SEMA3A: variants seen among roughly 807,000 people sequenced by gnomAD.
The protein encoded by SEMA3A is semaphorin-3A.
In SEMA3A, 29 loss-of-function variants were observed where a neutral mutation model predicts 97.9. That is an observed-to-expected ratio of 0.30 (90% CI 0.22 to 0.40). The LOEUF is 0.40. SEMA3A is among the 10% of genes least tolerant of loss of function. The pLI is 1.00. For synonymous variants in SEMA3A, 321 were observed against 323.7 expected (o/e 0.99, Z 0.09); for missense variants, 763 against 951.3 (o/e 0.80, Z 2.60).
At chr7:84,007,572 T>C in intron 9 of SEMA3A, 75 bp from the exon 10 acceptor site, 1 of 1,110,216 alleles carries the variant, frequency 9.0e-7, no homozygotes. Context: ...TACTGAGTTC[T>C]TACATTTTAG....
At chr7:84,466,719 T>C (rs1449680192) in intron 1 of SEMA3A, among the ~76,000 whole-genome samples, 2 of 152,168 alleles carry the variant, frequency 1.3e-5, no homozygotes, top group Non-Finnish European at 2.9e-5. Context: ...GAAGATTAGA[T>C]TGTACCCTGG....
chr7:84,301,809 A>G (rs1044296783), intron 3 of SEMA3A, among the ~76,000 whole-genome samples: 1 of 152,174 alleles, frequency 6.6e-6, no homozygotes, highest in Admixed American at 6.5e-5. Flanking sequence ...ATGCGGAATG[A>G]CAGGAACTCT....
chr7:84,397,491 C>A (rs1803768790), intron 1 of SEMA3A, among the ~76,000 whole-genome samples: 1 of 147,488 alleles, frequency 6.8e-6, no homozygotes, highest in Admixed American at 6.8e-5. Flanking sequence ...AACATGTATA[C>A]AATACATGTT....
At chr7:84,024,238 T>C (rs1230963300) in intron 6 of SEMA3A, among the ~76,000 whole-genome samples, 2 of 151,756 alleles carry the variant, frequency 1.3e-5, no homozygotes, top group African/African-American at 4.8e-5. Flanking sequence ...CTAGATTTGT[T>C]ACTTCAAAAA....
At chr7:84,021,963 CA>C (rs1791345587) in intron 6 of SEMA3A, among the ~76,000 whole-genome samples, 1 of 152,030 alleles carries the variant, frequency 6.6e-6, no homozygotes, top group African/African-American at 2.4e-5. Context: ...GGCAGGTTTT[CA>C]AAATGCTTTT....
intron 1 of SEMA3A, among the ~76,000 whole-genome samples, chr7:84,469,980 T>A (rs2116407373): frequency 6.6e-6 from 1 of 151,870 alleles, no homozygotes; most frequent in African/African-American, 2.4e-5. Context: ...ATTTTTTAAT[T>A]GTTAATGAAA....
intron 3 of SEMA3A, among the ~76,000 whole-genome samples, chr7:84,215,130 G>A (rs746472825): frequency 6.6e-5 from 10 of 151,468 alleles, no homozygotes; most frequent in Non-Finnish European, 1.0e-4. Flanking sequence ...CTCAGACTCC[G>A]AAAGTGTTGG....
intron 1 of SEMA3A, among the ~76,000 whole-genome samples, chr7:84,488,839 T>C (rs1326941223): frequency 2.0e-5 from 3 of 152,156 alleles, no homozygotes; most frequent in African/African-American, 7.2e-5. Flanking sequence ...TTCCAACAAA[T>C]TCATTTTGGA....
In SEMA3A at chr7:84,471,273, G is replaced by T. The variant is rs183401129; in HGVS notation, c.-246+21187C>A. On this transcript the variant is annotated intron_variant, in intron 1 of 3. Coordinates refer to the SEMA3A transcript ENST00000424555. ...TTCCCACACCCCCAACAGTTTTTCTGGTTAGCAATCAGAGTGACTGCTTAA... is the reference window on the plus strand; with the variant it reads ...TTCCCACACCCCCAACAGTTTTTCTTGTTAGCAATCAGAGTGACTGCTTAA... Among the ~76,000 whole-genome samples, 128 of 152,010 alleles carry T rather than the reference G, an allele frequency of 8.4e-4. 1 individual carries two copies. Among genetic ancestry groups the T allele is most frequent in the Middle Eastern group, 3.4e-3 (1 of 294 alleles).
At position 84,095,358 on chromosome 7, in the gene SEMA3A, C is replaced by CACATATATATATATATATATATAT. The variant is rs1211794166; in HGVS notation, c.453+15111_453+15112insATATATATATATATATATATATGT. On this transcript the variant is annotated intron_variant, in intron 4 of 16. Transcript: ENST00000265362. The stretch of plus-strand genomic sequence containing the variant: ...ATATATATTTTATATTTTTTATATA[C>CACATATATATATATATATATATAT]ATATATATATATATATATATATATA... 5.1e-3 allele frequency among the ~76,000 whole-genome samples: 629 copies of CACATATATATATATATATATATAT among 122,772 alleles called. 18 individuals are homozygous for CACATATATATATATATATATATAT. The highest frequency in any genetic ancestry group is 6.7e-3 in the Non-Finnish European group (413 of 61,316). 80.5% of individuals were successfully genotyped at this position (122,772 alleles called of 152,430 possible).
intron 15 of SEMA3A, among the ~76,000 whole-genome samples, chr7:83,963,875 G>A (rs548628785): frequency 5.4e-4 from 82 of 152,270 alleles, no homozygotes; most frequent in African/African-American, 1.9e-3. Context: ...TAGAGTGCAG[G>A]AAGTTTATAC....
intron 9 of SEMA3A, among the ~76,000 whole-genome samples, chr7:84,010,107 G>C (rs1442094548): frequency 6.6e-6 from 1 of 151,688 alleles, no homozygotes; most frequent in Admixed American, 6.6e-5. Flanking sequence ...TTTAAAATCT[G>C]GGTTACAAGG....
chr7:83,966,324 G>C (rs1277070697), intron 15 of SEMA3A, among the ~76,000 whole-genome samples: 7 of 152,172 alleles, frequency 4.6e-5, no homozygotes, highest in African/African-American at 1.7e-4. Context: ...ATAACAAATT[G>C]TTTTTAGTTT....
At chr7:84,099,862 C>A (rs1264517984) in intron 4 of SEMA3A, among the ~76,000 whole-genome samples, 1 of 152,050 alleles carries the variant, frequency 6.6e-6, no homozygotes, top group Non-Finnish European at 1.5e-5. Flanking sequence ...ATGTATATGT[C>A]TATTAATTTT....
At chr7:84,444,145 A>G (rs1489571339) in intron 1 of SEMA3A, among the ~76,000 whole-genome samples, 8 of 152,042 alleles carry the variant, frequency 5.3e-5, no homozygotes, top group Admixed American at 6.6e-5. Flanking sequence ...CTTGGCCTCC[A>G]AAATTGCTAG....
intron 1 of SEMA3A, among the ~76,000 whole-genome samples, chr7:84,174,484 T>A (rs958101913): frequency 6.6e-6 from 1 of 152,198 alleles, no homozygotes; most frequent in Non-Finnish European, 1.5e-5. Flanking sequence ...TGCATAAAAT[T>A]TTCATTAAGT....
chr7:84,417,370 T>C (rs933640462), intron 1 of SEMA3A, among the ~76,000 whole-genome samples: 15 of 152,104 alleles, frequency 9.9e-5, no homozygotes, highest in African/African-American at 3.4e-4. Context: ...ATGAATAGTA[T>C]AGTGTAAAAT....
At chr7:84,172,655 T>C (rs534280673) in intron 1 of SEMA3A, among the ~76,000 whole-genome samples, 3 of 152,258 alleles carry the variant, frequency 2.0e-5, no homozygotes, top group Admixed American at 6.5e-5. Flanking sequence ...CTCGATCTCC[T>C]GACCTAGTGA....
chr7:84,189,837 T>A (rs1797987268), intron 1 of SEMA3A, among the ~76,000 whole-genome samples: 1 of 151,652 alleles, frequency 6.6e-6, no homozygotes, highest in African/African-American at 2.4e-5. Flanking sequence ...CCCCAAATTA[T>A]AATACATGAT....
Sources: gnomAD v4.1 joint callset for allele counts (sites outside exome capture counted in the v4.1 genomes callset) on GRCh38, gnomAD v4.1.1 for gene constraint, MANE v1.5 for transcripts, NCBI Gene and HGNC (gene_info 2026-07-23, HGNC 2026-07-21) for gene names.